Variants in ELMO3 observed in about 807,000 individuals in gnomAD.
ELMO3 encodes the protein engulfment and cell motility 3.
Under a neutral mutation model 89.0 loss-of-function variants are expected in ELMO3, and 81 were observed. The observed-to-expected ratio is 0.91, with a 90% CI of 0.76 to 1.09. ELMO3 has a LOEUF of 1.09. Among genes scored for constraint, ELMO3 ranks in the 50% least tolerant of loss-of-function variants. ELMO3 has a pLI of 0.00. For missense variants in ELMO3, 959 were observed against 972.8 expected, an observed-to-expected ratio of 0.99 and a Z score of 0.19; for synonymous variants, 406 against 400.6, an observed-to-expected ratio of 1.01 and a Z score of -0.16.
Position 67,200,442 on chromosome 16 carries a change from C to T in ELMO3, c.414-9C>T, listed in dbSNP as rs749610608. ...TGGTCCTGCTCAGCCCCAGATGTCC[C>T]CCCTCCAGCCTAGGAGAGGTGCTGG... is the stretch of plus-strand genomic sequence containing the variant. On this transcript the variant is annotated splice_polypyrimidine_tract_variant and intron_variant, in intron 5 of 19. Coordinates refer to ENST00000393997, the MANE Select transcript of ELMO3 (RefSeq NM_024712.5). 1.2e-6 allele frequency: 2 copies of T among 1,611,838 alleles called. No homozygotes were observed. Among genetic ancestry groups the T allele is most frequent in the South Asian group, 2.2e-5 (2 of 91,046 alleles).
Position 67,202,766 on chromosome 16 carries a change from A to G in ELMO3, c.1538A>G (p.Glu513Gly). Reference protein sequence around the residue: ...RLRQTERLHQEGTLAPPILEL... With the variant: ...RLRQTERLHQGGTLAPPILEL... The stretch of plus-strand genomic sequence containing the variant: ...CGGCAGACTGAACGGCTGCACCAGG[A>G]GGGCACACTGGCTCCCCCTATACTG... Residue 513 changes from glutamate (E) to glycine (G), a missense_variant, in exon 15 of 20, where the codon GAG becomes GGG. Physicochemically the swap from Glu to Gly is moderately conservative, Grantham distance 98. Coordinates refer to ENST00000393997, the MANE Select transcript of ELMO3 (RefSeq NM_024712.5). 6.2e-7 allele frequency: 1 copy of G among 1,613,502 alleles called. No homozygotes were observed. The highest frequency in any genetic ancestry group is 2.2e-5 in the East Asian group (1 of 44,878).
In ELMO3 at chr16:67,203,444, G is replaced by A. The variant is rs888378031; in HGVS notation, c.1863+35G>A. 3.3e-6 allele frequency: 3 copies of A among 911,638 alleles called. No individual in the cohort carries two copies. Among genetic ancestry groups the A allele is most frequent in the Admixed American group, 1.9e-5 (1 of 52,680 alleles). 56.5% of individuals were successfully genotyped at this position (911,638 alleles called of 1,614,324 possible). ...GCGGGCCAGGGGCTCCTTCCCACCC[G>A]CCCCCGCCTACCCTGTCCCCTGCTC... On this transcript the variant is annotated intron_variant, in intron 18 of 19. Transcript: ENST00000393997. The surrounding 1 kb of genome is among the most constrained non-coding windows in gnomAD (Gnocchi z 4.6).
At position 67,202,955 on chromosome 16, in the gene ELMO3, C is replaced by T. The variant is rs778303376; in HGVS notation, c.1626C>T (p.Arg542=). ...TGATCCGCCAGCAGCGCTTGCTCCG[C>T]CTCTGTGAGGGGACGCTCTTCCGCA... ...MGLIRQQRLL[R]LCEGTLFRKI... is the part of the protein sequence containing the mutation. The change falls in exon 16 of 20, where the codon CGC becomes CGT. Residue 542 remains arginine (R), a synonymous_variant. Coordinates refer to ENST00000393997, the MANE Select transcript of ELMO3 (RefSeq NM_024712.5). 1.6e-4 allele frequency: 260 copies of T among 1,609,618 alleles called. No individual in the cohort carries two copies. The highest frequency in any genetic ancestry group is 2.0e-4 in the Non-Finnish European group (232 of 1,179,972).
At position 67,199,286 on chromosome 16, in the gene ELMO3, C is replaced by T. The variant is rs1258462218; in HGVS notation, c.-41C>T. ...AGGTGCACCCTTGGCCGCAGGTGCA[C>T]GGTCTCCGGAAAGTGCAGGCGCCCA... On this transcript the variant is annotated 5_prime_UTR_variant, in exon 1 of 20. The change creates a new upstream start codon in the 5' untranslated region. Coordinates refer to ENST00000393997, the MANE Select transcript of ELMO3 (RefSeq NM_024712.5). 2 of 1,612,314 alleles carry T rather than the reference C, an allele frequency of 1.2e-6. No individual in the cohort carries two copies. The highest frequency in any genetic ancestry group is 1.1e-5 in the South Asian group (1 of 91,038).
chr16:67,203,321 C>T lies in ELMO3; in HGVS notation c.1781-6C>T, dbSNP rs540356897. The T allele has an allele frequency of 7.5e-5, 119 of 1,595,612 alleles. 2 individuals carry two copies. In the South Asian group the frequency reaches 1.2e-3, roughly 17 times the overall value. ...TGCAGTGCTCAGCCCAGCCTTCTTC[C>T]TGCAGTCCCTGTGGCCGACATGAGG... On this transcript the variant is annotated splice_polypyrimidine_tract_variant and splice_region_variant and intron_variant, in intron 17 of 19. Coordinates refer to ENST00000393997, the MANE Select transcript of ELMO3 (RefSeq NM_024712.5). This position sits in a 1 kb window ranked among gnomAD's most constrained non-coding sequence, Gnocchi z 4.6.
intron 1 of ELMO3, 74 bp from the exon 2 acceptor site, chr16:67,199,479 C>A: frequency 7.0e-7 from 1 of 1,427,202 alleles, no homozygotes; most frequent in Non-Finnish European, 9.7e-7. Flanking sequence ...CGGGGCAGCC[C>A]GCCCCACCCC....
chr16:67,203,115 G>T lies in ELMO3; in HGVS notation c.1676-4G>T. 6.2e-7 allele frequency: 1 copy of T among 1,606,502 alleles called. No individual in the cohort carries two copies. ...CTCTGGCCCTCTTCCCTTTCTCCACGCAGATAAGCTGTGGTTCTGCTGCCT... is the reference window on the plus strand; with the variant it reads ...CTCTGGCCCTCTTCCCTTTCTCCACTCAGATAAGCTGTGGTTCTGCTGCCT... On this transcript the variant is annotated splice_polypyrimidine_tract_variant and splice_region_variant and intron_variant, in intron 16 of 19. Coordinates refer to ENST00000393997, the MANE Select transcript of ELMO3 (RefSeq NM_024712.5). This position sits in a 1 kb window ranked among gnomAD's most constrained non-coding sequence, Gnocchi z 4.6.
chr16:67,199,476 G>GCCCCCCCCCCCCCCCCCCCCCCCCCC, intron 1 of ELMO3, 72 bp downstream of exon 1: 1 of 1,503,592 alleles, frequency 6.7e-7, no homozygotes, highest in Non-Finnish European at 9.0e-7. Context: ...CCTCGGGGCA[G>GCCCCCCCCCCCCCCCCCCCCCCCCCC]CCCGCCCCAC....
At chr16:67,200,399 G>C in intron 5 of ELMO3, 38 bp downstream of exon 5, 1 of 1,611,956 alleles carries the variant, frequency 6.2e-7, no homozygotes, top group East Asian at 2.2e-5. Flanking sequence ...GAGATGGTGG[G>C]TCTTTCTGGT....
At chr16:67,199,459 C>T in intron 1 of ELMO3, 55 bp downstream of exon 1, 1 of 1,594,196 alleles carries the variant, frequency 6.3e-7, no homozygotes. Flanking sequence ...CCCGGTAGCC[C>T]CCTGGCCCTC....
In ELMO3 at chr16:67,202,159, A is replaced by G. The variant is rs1181609224; in HGVS notation, c.1153-17A>G. ...GGGCTTAGCTGTGACTCCTTGCCCC[A>G]TTCTCTGCGCCCCCAGTTTGTGTTG... On this transcript the variant is annotated splice_polypyrimidine_tract_variant and intron_variant, in intron 12 of 19. Coordinates refer to ENST00000393997, the MANE Select transcript of ELMO3 (RefSeq NM_024712.5). 5 of 1,599,136 alleles carry G rather than the reference A, an allele frequency of 3.1e-6. No homozygotes were observed. The highest frequency in any genetic ancestry group is 4.3e-6 in the Non-Finnish European group (5 of 1,170,672).
In ELMO3 at chr16:67,202,945, G is replaced by A. The variant is rs779259992; in HGVS notation, c.1616G>A (p.Arg539His). The part of the protein sequence containing the change: ...PELMGLIRQQ[R>H]LLRLCEGTLF... Reference sequence around the variant, plus strand: ...CTCATGGGCCTGATCCGCCAGCAGCGCTTGCTCCGCCTCTGTGAGGGGACG... The same window carrying A: ...CTCATGGGCCTGATCCGCCAGCAGCACTTGCTCCGCCTCTGTGAGGGGACG... The change falls in exon 16 of 20, where the codon CGC becomes CAC. Residue 539 changes from arginine (R) to histidine (H), a missense_variant. Coordinates refer to ENST00000393997, the MANE Select transcript of ELMO3 (RefSeq NM_024712.5). The A allele has an allele frequency of 7.5e-6, 12 of 1,609,874 alleles. No individual in the cohort carries two copies. Among genetic ancestry groups the A allele is most frequent in the South Asian group, 6.6e-5 (6 of 91,078 alleles).
At chr16:67,201,110 A>G in intron 8 of ELMO3, 142 bp downstream of exon 8, 2 of 996,158 alleles carry the variant, frequency 2.0e-6, no homozygotes, top group Non-Finnish European at 2.8e-6. Context: ...CAGTGGTGCG[A>G]TCTTGGCTCA....
At position 67,202,462 on chromosome 16, in the gene ELMO3, T is replaced by G; in HGVS notation, c.1327T>G (p.Phe443Val). 6.2e-7 allele frequency: 1 copy of G among 1,613,586 alleles called. No individual in the cohort carries two copies. Among genetic ancestry groups the G allele is most frequent in the South Asian group, 1.1e-5 (1 of 91,088 alleles). ...FGQDQSFHEL[F>V]CVGIQLLNKT... ...CCAAGACCAGAGCTTCCACGAGCTCTTCTGTGTGGGCATCCAGCTGTTGAA... is the reference window on the plus strand; with the variant it reads ...CCAAGACCAGAGCTTCCACGAGCTCGTCTGTGTGGGCATCCAGCTGTTGAA... Residue 443 changes from phenylalanine (F) to valine (V), a missense_variant, in exon 14 of 20, where the codon TTC becomes GTC. Transcript: ENST00000393997.
Position 67,203,817 on chromosome 16 carries a change from T to TGTGCCCCCACCCCCC in ELMO3, c.2104_2118dup (p.Val702_Pro706dup). ...TGCCCATCCCCGAGCGGCCACCCCC[T>TGTGCCCCCACCCCCC]GTGCCCCCACCCCCCACCAACTTCA... On this transcript the variant is annotated inframe_insertion, in exon 20 of 20. Coordinates refer to ENST00000393997, the MANE Select transcript of ELMO3 (RefSeq NM_024712.5). This position sits in a 1 kb window ranked among gnomAD's most constrained non-coding sequence, Gnocchi z 4.6. The TGTGCCCCCACCCCCC allele has an allele frequency of 9.3e-7, 1 of 1,075,468 alleles. No individual in the cohort carries two copies. Among genetic ancestry groups the TGTGCCCCCACCCCCC allele is most frequent in the Non-Finnish European group, 1.3e-6 (1 of 753,168 alleles). 66.6% of individuals were successfully genotyped at this position (1,075,468 alleles called of 1,614,324 possible).
At chr16:67,201,112 C>A (rs1275665514) in intron 8 of ELMO3, 144 bp downstream of exon 8, 6 of 982,512 alleles carry the variant, frequency 6.1e-6, no homozygotes, top group Non-Finnish European at 7.2e-6. Flanking sequence ...GTGGTGCGAT[C>A]TTGGCTCACT....
intron 1 of ELMO3, 72 bp downstream of exon 1, chr16:67,199,476 G>GGGGC: frequency 1.3e-6 from 2 of 1,503,596 alleles, no homozygotes; most frequent in Non-Finnish European, 1.8e-6. Context: ...CCTCGGGGCA[G>GGGGC]CCCGCCCCAC....
In ELMO3 at chr16:67,200,508, C is replaced by T. The variant is rs779400342; in HGVS notation, c.471C>T (p.Gly157=). The T allele has an allele frequency of 2.2e-5, 36 of 1,613,538 alleles. No homozygotes were observed. The highest frequency in any genetic ancestry group is 8.3e-5 in the Admixed American group (5 of 59,978). Residue 157 remains glycine (G), a synonymous_variant, in exon 6 of 20, where the codon GGC becomes GGT. Transcript: ENST00000393997. The part of the protein sequence containing the change: ...LRAFSELMEH[G]VVSWETLSIP... ...CCTTCTCAGAGCTCATGGAGCACGG[C>T]GTGGTGTCCTGGGAGACTCTGAGCA...
rs375040978 is a variant in ELMO3, at chr16:67,201,750, G to A, written c.927G>A (p.Arg309=). Residue 309 remains arginine (R), a synonymous_variant, in exon 11 of 20, where the codon CGG becomes CGA. Coordinates refer to ENST00000393997, the MANE Select transcript of ELMO3 (RefSeq NM_024712.5). ...CCCAACACTGACCCCAGGAGCAGCGGGAGCAGCTGCAGGTCCTACGCCAGG... is the reference window on the plus strand; with the variant it reads ...CCCAACACTGACCCCAGGAGCAGCGAGAGCAGCTGCAGGTCCTACGCCAGG... ...TPLDPYSQEQ[R]EQLQVLRQAA... The A allele has an allele frequency of 9.9e-6, 16 of 1,610,204 alleles. No individual in the cohort carries two copies. The highest frequency in any genetic ancestry group is 1.3e-5 in the Non-Finnish European group (15 of 1,180,012).
Sources: allele counts gnomAD v4.1 joint callset, GRCh38; gene constraint gnomAD v4.1.1; non-coding constraint Gnocchi (gnomAD v3.1); transcripts MANE v1.5; gene names NCBI Gene and HGNC (gene_info 2026-07-23, HGNC 2026-07-21).